Variants in DNAH8 observed in about 807,000 individuals in gnomAD.
DNAH8 encodes dynein axonemal heavy chain 8.
In DNAH8, 382 loss-of-function variants were observed where a neutral mutation model predicts 562.1. The ratio of observed to expected loss-of-function variants is 0.68; its 90% CI spans 0.63 to 0.74. The LOEUF (loss-of-function observed/expected upper bound fraction) is 0.74. Among genes scored for constraint, DNAH8 ranks in the 30% least tolerant of loss-of-function variants. The probability of loss-of-function intolerance (pLI) is 0.00; values close to 1 mark genes in which losing one functional copy is unlikely to be tolerated. For synonymous variants in DNAH8, 1,881 were observed against 1,919.4 expected, an observed-to-expected ratio of 0.98 and a Z score of 0.52; for missense variants, 5,203 against 5,620.4, an observed-to-expected ratio of 0.93 and a Z score of 2.37.
rs192441861 is a variant in DNAH8, at chr6:39,021,577, A to G, written c.13715-4969A>G. The stretch of plus-strand genomic sequence containing the variant: ...CATTTTTATTCAACGGGGTTGACCA[A>G]CCCTATCTTTGTTTAATGATTTCTG... On this transcript the variant is annotated intron_variant, in intron 91 of 92. Coordinates refer to ENST00000327475, the MANE Select transcript of DNAH8 (RefSeq NM_001206927.2). 1.4e-3 allele frequency among the ~76,000 whole-genome samples: 215 copies of G among 152,256 alleles called. 1 individual carries two copies. The highest frequency in any genetic ancestry group is 3.9e-3 in the Admixed American group (59 of 15,292).
At chr6:38,870,341 C>A in intron 48 of DNAH8, 60 bp from the exon 49 acceptor site, 2 of 1,503,014 alleles carry the variant, frequency 1.3e-6, no homozygotes, top group Non-Finnish European at 1.8e-6. Context: ...CACATCCCAG[C>A]TAGCTGATAA....
rs1240149198 is a variant in DNAH8 at position 38,913,895 on chromosome 6, T to G, written c.9906T>G (p.Ser3302=). 2.5e-6 allele frequency: 4 copies of G among 1,613,492 alleles called. No individual in the cohort carries two copies. In the Admixed American group the frequency reaches 6.7e-5, roughly 27 times the overall value. The change falls in exon 67 of 93, where the codon TCT becomes TCG. Residue 3302 remains serine, a synonymous_variant. Coordinates refer to ENST00000327475, the MANE Select transcript of DNAH8 (RefSeq NM_001206927.2). ...MEASESVAKL[S]QDLAVKEKEL... is the part of the protein sequence containing the mutation. ...CAAGTGAATCTGTTGCTAAACTCTC[T>G]CAGGATCTTGCAGTCAAGGAGAAGG... is the stretch of plus-strand genomic sequence containing the variant.
chr6:38,944,680 A>G (rs374235667), intron 79 of DNAH8, among the ~76,000 whole-genome samples: 62 of 152,358 alleles, frequency 4.1e-4, no homozygotes, highest in African/African-American at 1.3e-3. Flanking sequence ...AATATGATCA[A>G]TGCTGTAACT....
chr6:38,930,562 A>G (rs1340329724), intron 75 of DNAH8, among the ~76,000 whole-genome samples: 1 of 152,174 alleles, frequency 6.6e-6, no homozygotes, highest in Non-Finnish European at 1.5e-5. Flanking sequence ...AGAAAAATAA[A>G]TAAAACGCAG....
chr6:38,882,478 C>T (rs778181799), intron 53 of DNAH8, among the ~76,000 whole-genome samples: 42 of 152,028 alleles, frequency 2.8e-4, no homozygotes, highest in Non-Finnish European at 4.9e-4. Context: ...TCAAATACTG[C>T]GTATTTTCAA....
chr6:39,030,032 C>T lies in DNAH8; in HGVS notation c.13837-73C>T, dbSNP rs539513529. On this transcript the variant is annotated intron_variant, in intron 92 of 92. Coordinates refer to ENST00000327475, the MANE Select transcript of DNAH8 (RefSeq NM_001206927.2). Reference sequence around the variant, plus strand: ...GGTGTGTGTTTTATTTCCAAACTGACAGCCTTTATGACTAATTTTGCAGCA... The same window carrying T: ...GGTGTGTGTTTTATTTCCAAACTGATAGCCTTTATGACTAATTTTGCAGCA... The T allele has an allele frequency of 3.3e-6, 4 of 1,228,936 alleles. No homozygotes were observed. The African/African-American group carries it at 6.0e-5, about 19-fold the overall frequency. The allele number at this position is 1,228,936 out of a possible 1,614,324, so 76.1% of individuals were successfully genotyped here.
intron 8 of DNAH8, among the ~76,000 whole-genome samples, chr6:38,747,219 G>A (rs760415516): frequency 3.3e-5 from 5 of 151,988 alleles, no homozygotes; most frequent in Non-Finnish European, 7.4e-5. Flanking sequence ...TCCCCATTTT[G>A]TATATAGAAC....
chr6:39,004,571 T>A (rs1300934710), intron 88 of DNAH8, among the ~76,000 whole-genome samples: 1 of 152,248 alleles, frequency 6.6e-6, no homozygotes, highest in Non-Finnish European at 1.5e-5. Flanking sequence ...GTAATCTGCA[T>A]ATCTTAAATT....
intron 15 of DNAH8, 36 bp downstream of exon 15, chr6:38,780,101 G>A (rs770979429): frequency 1.2e-5 from 19 of 1,579,396 alleles, no homozygotes; most frequent in Non-Finnish European, 1.6e-5. Context: ...TGGTACATTA[G>A]CACAAAAAGA....
At chr6:39,002,954 G>A (rs904460136) in intron 88 of DNAH8, among the ~76,000 whole-genome samples, 2 of 152,180 alleles carry the variant, frequency 1.3e-5, no homozygotes, top group Non-Finnish European at 1.5e-5. Flanking sequence ...GTTCGGGTAT[G>A]CATGTTTGGG....
Position 39,012,469 on chromosome 6 carries a change from A to G in DNAH8, c.13546A>G (p.Asn4516Asp), listed in dbSNP as rs1218550898. The G allele has an allele frequency of 4.3e-6, 7 of 1,614,066 alleles. No homozygotes were observed. Among genetic ancestry groups the G allele is most frequent in the Non-Finnish European group, 5.1e-6 (6 of 1,179,924 alleles). Residue 4516 changes from asparagine (N) to aspartate (D), a missense_variant, in exon 91 of 93, where the codon AAC (asparagine) becomes GAC (aspartate). Transcript: ENST00000327475. Reference protein sequence around the residue: ...MSENLRDALDNMYDARIPQLW... With the variant: ...MSENLRDALDDMYDARIPQLW... ...CCAGAATCTGAGAGATGCTCTGGAC[A>G]ACATGTATGATGCTCGTATACCTCA...
chr6:38,717,480 C>T (rs1315235426), intron 1 of DNAH8, among the ~76,000 whole-genome samples: 5 of 151,940 alleles, frequency 3.3e-5, no homozygotes, highest in South Asian at 4.2e-4. Context: ...CACGCCACCA[C>T]GCCCGGCTAA....
Position 38,842,875 on chromosome 6 carries a change from C to A in DNAH8, c.4817C>A (p.Pro1606Gln). 6.2e-7 allele frequency: 1 copy of A among 1,613,518 alleles called. No homozygotes were observed. The highest frequency in any genetic ancestry group is 8.5e-7 in the Non-Finnish European group (1 of 1,179,618). Residue 1606 changes from proline (P) to glutamine (Q), a missense_variant, in exon 35 of 93, where the codon CCA becomes CAA. Physicochemically the swap from Pro to Gln is moderately conservative, Grantham distance 76. This residue lies in a region of DNAH8 where 2,176 missense variants were observed against 2,365.1 expected (regional missense o/e 0.92). Coordinates refer to ENST00000327475, the MANE Select transcript of DNAH8 (RefSeq NM_001206927.2). ...SFCLRNIMEA[P>Q]LLKHKDDIED... ...TGCCTTAGAAATATCATGGAAGCAC[C>A]ACTCCTTAAACATAAGGATGATATT... is the stretch of plus-strand genomic sequence containing the variant.
In DNAH8 at chr6:38,868,168, G is replaced by A. The variant is rs766818202; in HGVS notation, c.6800G>A (p.Gly2267Glu). 11 of 1,613,032 alleles carry A rather than the reference G, an allele frequency of 6.8e-6. No homozygotes were observed. The Middle Eastern group carries it at 4.9e-4, about 72-fold the overall frequency. ...AGTGAATTAAGCATTGTCATGAGAGGACTAAGAGATATGAACCTTTCCAAA... is the reference window on the plus strand; with the variant it reads ...AGTGAATTAAGCATTGTCATGAGAGAACTAAGAGATATGAACCTTTCCAAA... ...EDSELSIVMR[G>E]LRDMNLSKLV... Residue 2267 changes from glycine (G) to glutamate (E), a missense_variant, in exon 48 of 93, where the codon GGA (glycine) becomes GAA (glutamate). Around this residue, in one of 6 missense-constraint regions of DNAH8, gnomAD observed 2,176 missense variants for 2,365.1 expected, o/e 0.92. Coordinates refer to ENST00000327475, the MANE Select transcript of DNAH8 (RefSeq NM_001206927.2).
chr6:39,000,785 C>T (rs57949298), intron 88 of DNAH8, among the ~76,000 whole-genome samples: 7,151 of 152,188 alleles, frequency 0.047, 210 homozygotes, highest in Non-Finnish European at 0.059. Context: ...GAAACTTTTC[C>T]GCCGCCTCCC....
intron 9 of DNAH8, among the ~76,000 whole-genome samples, chr6:38,755,233 G>A (rs1199140260): frequency 1.3e-5 from 2 of 152,106 alleles, no homozygotes; most frequent in Non-Finnish European, 2.9e-5. Flanking sequence ...TATATCTGAT[G>A]TAATCAAACC....
intron 48 of DNAH8, 31 bp downstream of exon 48, chr6:38,868,227 A>T: frequency 1.3e-6 from 2 of 1,584,014 alleles, no homozygotes; most frequent in Non-Finnish European, 1.7e-6. Flanking sequence ...TCTTTTCCAC[A>T]ATTTTAATAT....
chr6:39,020,045 T>C (rs1335059073), intron 91 of DNAH8, among the ~76,000 whole-genome samples: 1 of 151,228 alleles, frequency 6.6e-6, no homozygotes, highest in Non-Finnish European at 1.5e-5. Flanking sequence ...AAGTGGGAGG[T>C]TGGTTAAAGG....
At chr6:39,030,063 T>G in intron 92 of DNAH8, 42 bp from the exon 93 acceptor site, 1 of 1,541,484 alleles carries the variant, frequency 6.5e-7, no homozygotes, top group Admixed American at 1.8e-5. Context: ...CAGCACCTAG[T>G]TTAAAAAATA....
Sources: gnomAD v4.1 joint callset for allele counts (sites outside exome capture counted in the v4.1 genomes callset) on GRCh38, gnomAD v4.1.1 for gene constraint, gnomAD v4.1.1 regional missense constraint, MANE v1.5 for transcripts, NCBI Gene and HGNC (gene_info 2026-07-23, HGNC 2026-07-21) for gene names.